Variants in UBA3 observed in about 807,000 individuals in gnomAD.
UBA3 encodes the protein NEDD8-activating enzyme E1 catalytic subunit.
In UBA3, 26 loss-of-function variants were observed where a neutral mutation model predicts 73.5. That is an observed-to-expected ratio of 0.35 (90% confidence interval 0.26 to 0.49). The LOEUF is 0.49. Among genes scored for constraint, UBA3 ranks in the 20% least tolerant of loss-of-function variants. UBA3 has a pLI of 0.98. For missense variants in UBA3, 495 were observed against 555.6 expected, an observed-to-expected ratio of 0.89 and a Z score of 1.10; for synonymous variants, 217 against 191.2, an observed-to-expected ratio of 1.13 and a Z score of -1.11.
intron 6 of UBA3, among the ~76,000 whole-genome samples, chr3:69,065,833 T>G (rs1447776415): frequency 7.9e-5 from 12 of 152,106 alleles, no homozygotes; most frequent in African/African-American, 2.9e-4. Context: ...TTTAGTCTAA[T>G]AGTTGTGTAA....
In UBA3 at chr3:69,063,069, C is replaced by T; in HGVS notation, c.606G>A (p.Gly202=). 2 of 1,614,028 alleles carry T rather than the reference C, an allele frequency of 1.2e-6. No individual in the cohort carries two copies. The stretch of plus-strand genomic sequence containing the variant: ...GGGCATTTCCTTTAAAACCTTCTGT[C>T]CCCCCATCTATCAAAGGGACAATGG... ...PSSIVPLIDG[G]TEGFKGNARV... The change falls in exon 9 of 18, where the codon GGG becomes GGA. Residue 202 remains glycine (G), a synonymous_variant. Transcript: ENST00000361055.
chr3:69,077,800 C>T lies in UBA3; in HGVS notation c.181G>A (p.Glu61Lys). 1 of 1,612,428 alleles carries T rather than the reference C, an allele frequency of 6.2e-7. No homozygotes were observed. The highest frequency in any genetic ancestry group is 8.5e-7 in the Non-Finnish European group (1 of 1,179,130). ...FTHPDFEPST[E>K]SLQFLLDTCK... ...ATTTAAAAATAAACGTTTCTCACTT[C>T]AGTGCTCGGTTCGAAATCAGGGTGT... Residue 61 changes from glutamate (E) to lysine (K), a missense_variant and splice_region_variant, in exon 3 of 18, where the codon GAA becomes AAA. Coordinates refer to ENST00000361055, the MANE Select transcript of UBA3 (RefSeq NM_003968.4).
chr3:69,067,581 A>G (rs2092084174), intron 6 of UBA3, among the ~76,000 whole-genome samples: 1 of 152,194 alleles, frequency 6.6e-6, no homozygotes, highest in Non-Finnish European at 1.5e-5. Flanking sequence ...GTCTGCTACT[A>G]TAAAGAAACA....
intron 7 of UBA3, 117 bp downstream of exon 7, chr3:69,063,951 A>C (rs887876507): frequency 1.1e-6 from 1 of 869,944 alleles, no homozygotes; most frequent in Admixed American, 2.7e-5. Flanking sequence ...AAAAGCCAAC[A>C]GTGAGAGAGG....
At position 69,063,022 on chromosome 3, in the gene UBA3, G is replaced by A. The variant is rs750027713; in HGVS notation, c.653C>T (p.Thr218Ile). 6.2e-6 allele frequency: 10 copies of A among 1,614,058 alleles called. No homozygotes were observed. The South Asian group carries it at 1.1e-4, about 18-fold the overall frequency. The change falls in exon 9 of 18, where the codon ACT (threonine) becomes ATT (isoleucine). Residue 218 changes from threonine to isoleucine, a missense_variant. By Grantham distance (89) the Thr-to-Ile change is moderately conservative. Transcript: ENST00000361055. The stretch of plus-strand genomic sequence containing the variant: ...TTCCAGCGTGCATTCGATACAAGCA[G>A]TCATTCCAGGCAGAATCACCCGGGC... ...GNARVILPGM[T>I]ACIECTLELY...
chr3:69,069,499 G>A lies in UBA3; in HGVS notation c.348-1491C>T, dbSNP rs372312321. Among the ~76,000 whole-genome samples the A allele has an allele frequency of 2.6e-4, 40 of 152,074 alleles. No individual in the cohort carries two copies. The East Asian group carries it at 7.2e-3, about 27-fold the overall frequency. Reference sequence around the variant, plus strand: ...GAGTCACTACGCCTGGCTAATTTTTGTATTTTTAGTAGACACAGGGTTTCA... The same window carrying A: ...GAGTCACTACGCCTGGCTAATTTTTATATTTTTAGTAGACACAGGGTTTCA... On this transcript the variant is annotated intron_variant, in intron 5 of 17. Coordinates refer to ENST00000361055, the MANE Select transcript of UBA3 (RefSeq NM_003968.4).
At chr3:69,066,432 A>G (rs2092072071) in intron 6 of UBA3, among the ~76,000 whole-genome samples, 1 of 142,720 alleles carries the variant, frequency 7.0e-6, no homozygotes, top group Non-Finnish European at 1.5e-5. Context: ...CTATCGTTTT[A>G]TGGTTTTTTG....
intron 2 of UBA3, 35 bp downstream of exon 2, chr3:69,080,077 C>T: frequency 1.2e-6 from 2 of 1,600,776 alleles, no homozygotes; most frequent in Non-Finnish European, 1.7e-6. Context: ...GGCGGGGGTC[C>T]CCGGAGAGGG....
intron 11 of UBA3, among the ~76,000 whole-genome samples, chr3:69,060,714 A>T (rs1301108611): frequency 6.6e-6 from 1 of 152,064 alleles, no homozygotes; most frequent in African/African-American, 2.4e-5. Flanking sequence ...CCAGTGTTGG[A>T]GGTGAGGCCT....
rs755646623 is a variant in UBA3 at position 69,057,287 on chromosome 3, A to G, written c.933T>C (p.Pro311=). The change falls in exon 12 of 18, where the codon CCT becomes CCC. Residue 311 remains proline, a synonymous_variant. Transcript: ENST00000361055. ...LTQGVVKRII[P]AVASTNAVIA... ...TGACTGCATTTGTGGAAGCTACTGC[A>G]GGAATGATTCTTTTTACTACCCCTG... 6.2e-7 allele frequency: 1 copy of G among 1,611,828 alleles called. No homozygotes were observed. The highest frequency in any genetic ancestry group is 8.5e-7 in the Non-Finnish European group (1 of 1,179,380).
chr3:69,056,134 A>G, intron 15 of UBA3, 49 bp downstream of exon 15: 1 of 1,560,306 alleles, frequency 6.4e-7, no homozygotes, highest in Non-Finnish European at 8.6e-7. Flanking sequence ...AAGGTTTCAA[A>G]AATCACAAAA....
chr3:69,080,272 C>T (rs1467991935), intron 1 of UBA3, 62 bp downstream of exon 1: 21 of 1,589,298 alleles, frequency 1.3e-5, no homozygotes, highest in Non-Finnish European at 1.7e-5. Context: ...GGCAACCGCC[C>T]ACCGCCGCGC....
At chr3:69,065,224 C>A (rs1323193057) in intron 6 of UBA3, among the ~76,000 whole-genome samples, 1 of 151,838 alleles carries the variant, frequency 6.6e-6, no homozygotes, top group Non-Finnish European at 1.5e-5. Context: ...ACTGAGTGCC[C>A]CCCACTAACC....
At chr3:69,067,824 CT>C (rs538177007) in intron 6 of UBA3, 103 bp downstream of exon 6, 85 of 795,664 alleles carry the variant, frequency 1.1e-4, no homozygotes, top group African/African-American at 7.1e-4. Context: ...CTACTGCTGA[CT>C]TTTTTTCCCT....
rs777501695 is a variant in UBA3, at chr3:69,080,320, G to T, written c.20+14C>A. 26 of 1,604,200 alleles carry T rather than the reference G, an allele frequency of 1.6e-5. No individual in the cohort carries two copies. The South Asian group carries it at 2.5e-4, about 15-fold the overall frequency. On this transcript the variant is annotated intron_variant, in intron 1 of 17. Coordinates refer to ENST00000361055, the MANE Select transcript of UBA3 (RefSeq NM_003968.4). ...CAGCCCAGCCCGGCGCGTCTGCAGAGCCCCGGTACTTACGGCTCCTCGCCA... is the reference window on the plus strand; with the variant it reads ...CAGCCCAGCCCGGCGCGTCTGCAGATCCCCGGTACTTACGGCTCCTCGCCA...
chr3:69,073,650 T>C (rs1255133933), intron 4 of UBA3, among the ~76,000 whole-genome samples: 1 of 151,738 alleles, frequency 6.6e-6, no homozygotes, highest in East Asian at 1.9e-4. Context: ...TTTTTTTTTT[T>C]TTTGAGACGG....
chr3:69,073,206 A>G (rs902815166), intron 4 of UBA3, among the ~76,000 whole-genome samples: 1 of 152,148 alleles, frequency 6.6e-6, no homozygotes, highest in African/African-American at 2.4e-5. Context: ...AGTAACCTCC[A>G]AAGTCTTTTG....
In UBA3 at chr3:69,056,074, T is replaced by C; in HGVS notation, c.1185-11A>G. ...GGAGATTTCATTTGCCTAAAGATTATGATGAGAGAGAAGTATCAAACATAA... is the reference window on the plus strand; with the variant it reads ...GGAGATTTCATTTGCCTAAAGATTACGATGAGAGAGAAGTATCAAACATAA... On this transcript the variant is annotated splice_polypyrimidine_tract_variant and intron_variant, in intron 15 of 17. Transcript: ENST00000361055. 6.3e-7 allele frequency: 1 copy of C among 1,592,340 alleles called. No homozygotes were observed. Among genetic ancestry groups the C allele is most frequent in the East Asian group, 2.2e-5 (1 of 44,662 alleles).
At chr3:69,069,283 C>G (rs899080870) in intron 5 of UBA3, among the ~76,000 whole-genome samples, 1 of 152,014 alleles carries the variant, frequency 6.6e-6, no homozygotes, top group Admixed American at 6.6e-5. Context: ...AGAAAAAAAT[C>G]TGAAATTTCA....
Sources: allele counts gnomAD v4.1 joint callset (sites outside exome capture counted in the v4.1 genomes callset), GRCh38; gene constraint gnomAD v4.1.1; transcripts MANE v1.5; gene names NCBI Gene and HGNC (gene_info 2026-07-23, HGNC 2026-07-21).